The following FAM133A variants were observed in gnomAD, a reference collection of about 807,000 sequenced individuals.
FAM133A encodes family with sequence similarity 133 member A.
For synonymous variants in FAM133A, 65 were observed against 58.6 expected (o/e 1.11, Z -0.50); for missense variants, 159 against 164.4 (o/e 0.97, Z 0.18).
chrX:93,699,592 C>T (rs1266324647), intron 3 of FAM133A, among the ~76,000 whole-genome samples: 7 of 111,122 alleles, frequency 6.3e-5, no homozygotes, highest in Admixed American at 9.6e-5. Context: ...TATTTTCCAA[C>T]TTTTTCTTAT....
intron 2 of FAM133A, among the ~76,000 whole-genome samples, chrX:93,683,859 T>G (rs1231452140): frequency 9.3e-6 from 1 of 107,612 alleles, no homozygotes; most frequent in Non-Finnish European, 1.9e-5. Flanking sequence ...TGAAATGGGT[T>G]TTTTTTTGGC....
rs1326467383 is a variant in FAM133A, at chrX:93,710,802, G to A, written c.*636G>A. 8.0e-6 allele frequency: 1 copy of A among 124,493 alleles called. No homozygotes were observed. The allele number at this position is 124,493 out of a possible 1,213,427, so 10.3% of individuals were successfully genotyped here. A position where few individuals can be genotyped will look rare whatever the true frequency, so the allele number is the denominator to read the frequency against. On this transcript the variant is annotated 3_prime_UTR_variant, in exon 4 of 4. Transcript: ENST00000683942. ...TATGCTGCTTCAAGTGAACAAGAAG[G>A]ACAGGAGTTTACAGCATAAGTAAGC...
Position 93,695,220 on chromosome X carries a change from T to C in FAM133A, c.-192-3177T>C, listed in dbSNP as rs143418776. ...TCCTATGGCAATGGTTTTCAGACTT[T>C]AGTTTCTATCATAATAACCTGAAGA... On this transcript the variant is annotated intron_variant, in intron 2 of 3. Coordinates refer to ENST00000683942, the MANE Select transcript of FAM133A (RefSeq NM_001171109.2). Among the ~76,000 whole-genome samples the C allele has an allele frequency of 7.1e-4, 79 of 111,912 alleles. 1 individual carries two copies. The highest frequency in any genetic ancestry group is 2.3e-3 in the African/African-American group (72 of 30,852).
At chrX:93,697,339 C>G (rs1028565738) in intron 2 of FAM133A, among the ~76,000 whole-genome samples, 1 of 109,780 alleles carries the variant, frequency 9.1e-6, no homozygotes, top group African/African-American at 3.3e-5. Context: ...TGCACTGTTA[C>G]AAATTACCAA....
chrX:93,678,028 C>G (rs1285354537), intron 2 of FAM133A, among the ~76,000 whole-genome samples: 1 of 111,911 alleles, frequency 8.9e-6, no homozygotes, highest in Admixed American at 9.5e-5. Context: ...ATAGTGCTCA[C>G]ATTTGATATG....
chrX:93,677,749 G>A (rs1924819435), intron 2 of FAM133A, among the ~76,000 whole-genome samples: 1 of 112,002 alleles, frequency 8.9e-6, no homozygotes, highest in African/African-American at 3.2e-5. Context: ...GTGTGTATCA[G>A]GAGTTTATTT....
At chrX:93,673,780 G>T, upstream of FAM133A, among the ~76,000 whole-genome samples, 1 of 109,008 alleles carries the variant, frequency 9.2e-6, no homozygotes, top group Middle Eastern at 4.7e-3. Context: ...CTCGCTGGCT[G>T]AGGTGCGACC....
intron 2 of FAM133A, among the ~76,000 whole-genome samples, chrX:93,684,107 G>A (rs1233310320): frequency 9.0e-6 from 1 of 111,690 alleles, no homozygotes; most frequent in Non-Finnish European, 1.9e-5. Flanking sequence ...TTTACTCTAT[G>A]TTTTCTTCTA....
upstream of FAM133A, among the ~76,000 whole-genome samples, chrX:93,673,759 C>T (rs760926538): frequency 1.4e-4 from 15 of 109,749 alleles, no homozygotes; most frequent in African/African-American, 5.0e-4. Flanking sequence ...CGCCCACCTT[C>T]CCAGACGCCG....
intron 3 of FAM133A, among the ~76,000 whole-genome samples, chrX:93,698,732 G>A (rs1296860590): frequency 9.0e-6 from 1 of 111,688 alleles, no homozygotes; most frequent in African/African-American, 3.2e-5. Flanking sequence ...GAAACAGTAA[G>A]CAGAGAAATG....
At position 93,709,807 on chromosome X, in the gene FAM133A, A is replaced by C. The variant is rs1412937087; in HGVS notation, c.388A>C (p.Arg130=). 1 of 1,196,265 alleles carries C rather than the reference A, an allele frequency of 8.4e-7. No homozygotes were observed. The highest frequency in any genetic ancestry group is 3.0e-5 in the East Asian group (1 of 33,469). ...GGATGAGGAAAAGAAACAAGGAAAA[A>C]GGAGAAAGAAAAAGAAGAACCGTTC... ...SEDEEKKQGK[R]RKKKKNRSYK... Residue 130 remains arginine, a synonymous_variant, in exon 4 of 4, where the codon AGG becomes CGG. Transcript: ENST00000683942.
chrX:93,710,010 A>G lies in FAM133A; in HGVS notation c.591A>G (p.Glu197=). 8.3e-7 allele frequency: 1 copy of G among 1,204,261 alleles called. No individual in the cohort carries two copies. The highest frequency in any genetic ancestry group is 1.1e-6 in the Non-Finnish European group (1 of 892,611). The change falls in exon 4 of 4, where the codon GAA becomes GAG. Residue 197 remains glutamate (E), a synonymous_variant. Coordinates refer to ENST00000683942, the MANE Select transcript of FAM133A (RefSeq NM_001171109.2). ...DKPLSSESSS[E]SDYEEDVQAK... ...CTTTATCATCTGAGTCCTCATCTGA[A>G]TCAGATTATGAAGAGGATGTGCAAG...
chrX:93,678,614 C>T (rs147561280), intron 2 of FAM133A, among the ~76,000 whole-genome samples: 2 of 111,652 alleles, frequency 1.8e-5, no homozygotes, highest in African/African-American at 6.5e-5. Context: ...TTAGGTTTTG[C>T]ATTTAGGTCT....
chrX:93,676,694 A>G (rs1924728221), intron 2 of FAM133A, among the ~76,000 whole-genome samples: 1 of 109,048 alleles, frequency 9.2e-6, no homozygotes, highest in Non-Finnish European at 1.9e-5. Flanking sequence ...AACCACTCAC[A>G]CTGATCCTGG....
chrX:93,676,367 C>A (rs1309922046), intron 2 of FAM133A, among the ~76,000 whole-genome samples: 1 of 110,875 alleles, frequency 9.0e-6, no homozygotes, highest in Admixed American at 9.6e-5. Flanking sequence ...ATTAATTTAT[C>A]AATATTATGT....
chrX:93,699,603 G>A (rs965798938), intron 3 of FAM133A, among the ~76,000 whole-genome samples: 2 of 110,748 alleles, frequency 1.8e-5, no homozygotes, highest in South Asian at 3.8e-4. Flanking sequence ...TTTTTCTTAT[G>A]AAATTTTTAA....
In FAM133A at chrX:93,709,983, AC is replaced by A. The variant is rs1421154699; in HGVS notation, c.566del (p.Pro189LeufsTer34). Reference protein sequence around the residue: ...KRKKSYPDDKPLSSESSSESD... With the variant: ...KRKKSYPDDKXLSSESSSESD... The stretch of plus-strand genomic sequence containing the variant: ...GAAAGAAAAGTTACCCTGATGATAA[AC>A]CTTTATCATCTGAGTCCTCATCTGA... On this transcript the variant is annotated frameshift_variant, in exon 4 of 4. Transcript: ENST00000683942. LOFTEE classifies it high-confidence loss of function. 1 of 1,193,288 alleles carries A rather than the reference AC, an allele frequency of 8.4e-7. No homozygotes were observed. The highest frequency in any genetic ancestry group is 1.8e-5 in the African/African-American group (1 of 56,338).
In FAM133A at chrX:93,688,316, C is replaced by T. The variant is rs374642529; in HGVS notation, c.-192-10081C>T. On this transcript the variant is annotated intron_variant, in intron 2 of 3. Coordinates refer to ENST00000683942, the MANE Select transcript of FAM133A (RefSeq NM_001171109.2). ...TAAGGATTGCCTTTTCTCCAAATCT[C>T]TCATGTTTTAATATTCAACTTATCT... Among the ~76,000 whole-genome samples the T allele has an allele frequency of 2.3e-4, 25 of 110,878 alleles. No individual in the cohort carries two copies. The East Asian group carries it at 3.7e-3, about 16-fold the overall frequency.
intron 2 of FAM133A, among the ~76,000 whole-genome samples, chrX:93,694,620 G>C (rs1179585953): frequency 9.0e-6 from 1 of 111,453 alleles, no homozygotes; most frequent in East Asian, 2.8e-4. Context: ...AAGGAAAACA[G>C]CTCTATTAGG....
Sources: allele counts gnomAD v4.1 joint callset (sites outside exome capture counted in the v4.1 genomes callset), GRCh38; gene constraint gnomAD v4.1.1; transcripts MANE v1.5; gene names NCBI Gene and HGNC (gene_info 2026-07-23, HGNC 2026-07-21).